The following TAFA1 variants were observed in gnomAD, a reference collection of about 807,000 sequenced individuals.
TAFA1 encodes the protein chemokine-like protein TAFA-1.
A neutral mutation model predicts 18.5 loss-of-function variants in TAFA1; 4 were observed. The observed-to-expected ratio is 0.22, with a 90% CI of 0.11 to 0.49. The LOEUF is 0.49. Ranked by LOEUF, TAFA1 falls within the 20% of genes least tolerant of loss-of-function variation. The probability of loss-of-function intolerance (pLI) is 0.98; values close to 1 mark genes in which losing one functional copy is unlikely to be tolerated. For synonymous variants in TAFA1, 56 were observed against 55.2 expected (o/e 1.01, Z -0.06); for missense variants, 147 against 169.0 (o/e 0.87, Z 0.72).
At chr3:68,236,363 C>T (rs879930421) in intron 2 of TAFA1, among the ~76,000 whole-genome samples, 1 of 152,210 alleles carries the variant, frequency 6.6e-6, no homozygotes, top group African/African-American at 2.4e-5. Flanking sequence ...CAAGCCAGTG[C>T]ATTCAAAATG....
At chr3:68,303,757 T>C (rs2068354327) in intron 2 of TAFA1, among the ~76,000 whole-genome samples, 1 of 152,130 alleles carries the variant, frequency 6.6e-6, no homozygotes, top group Non-Finnish European at 1.5e-5. Flanking sequence ...CCTGAAAACT[T>C]TTTAGAAGGA....
intron 2 of TAFA1, among the ~76,000 whole-genome samples, chr3:68,280,462 G>A (rs2067878608): frequency 2.1e-5 from 3 of 145,826 alleles, no homozygotes; most frequent in Admixed American, 2.0e-4. Context: ...TCTGGTAAGT[G>A]AATTAGGAAA....
intron 4 of TAFA1, among the ~76,000 whole-genome samples, chr3:68,542,641 C>G (rs946744619): frequency 1.3e-5 from 2 of 152,004 alleles, no homozygotes; most frequent in Non-Finnish European, 2.9e-5. Context: ...AATGCATGAC[C>G]TAGAGGTAGG....
chr3:68,204,999 C>T (rs2066509315), intron 2 of TAFA1, among the ~76,000 whole-genome samples: 1 of 151,570 alleles, frequency 6.6e-6, no homozygotes, highest in African/African-American at 2.4e-5. Context: ...AGTAGATTGG[C>T]CAATTGCAGA....
At chr3:68,015,390 G>A (rs796312825) in intron 2 of TAFA1, among the ~76,000 whole-genome samples, 1 of 151,476 alleles carries the variant, frequency 6.6e-6, no homozygotes, top group African/African-American at 2.4e-5. Flanking sequence ...AGGTTCAAGC[G>A]ATTCTCCTGC....
intron 3 of TAFA1, among the ~76,000 whole-genome samples, chr3:68,464,841 A>G (rs2071855545): frequency 6.6e-6 from 1 of 152,216 alleles, no homozygotes; most frequent in Non-Finnish European, 1.5e-5. Context: ...GTTTAGAATA[A>G]GCATGACACT....
chr3:68,106,758 G>A (rs569319204), intron 2 of TAFA1, among the ~76,000 whole-genome samples: 11 of 152,000 alleles, frequency 7.2e-5, no homozygotes, highest in African/African-American at 2.7e-4. Flanking sequence ...AAAACCAAAT[G>A]GGCAAATGAT....
chr3:68,523,300 A>G (rs2073056746), intron 3 of TAFA1, among the ~76,000 whole-genome samples: 1 of 152,220 alleles, frequency 6.6e-6, no homozygotes, highest in Non-Finnish European at 1.5e-5. Flanking sequence ...TTGTACTTTA[A>G]TGTAAAATCT....
At chr3:68,227,626 G>A (rs764876974) in intron 2 of TAFA1, among the ~76,000 whole-genome samples, 27 of 152,204 alleles carry the variant, frequency 1.8e-4, no homozygotes, top group Non-Finnish European at 3.8e-4. Context: ...GAGAAATTAA[G>A]TGAAAGACTG....
At chr3:68,085,102 A>G (rs185050449) in intron 2 of TAFA1, among the ~76,000 whole-genome samples, 2 of 152,312 alleles carry the variant, frequency 1.3e-5, no homozygotes, top group East Asian at 1.9e-4. Context: ...TGGACTCACA[A>G]TAGGATTTCT....
intron 2 of TAFA1, among the ~76,000 whole-genome samples, chr3:68,352,068 T>C (rs1313635469): frequency 6.6e-6 from 1 of 151,836 alleles, no homozygotes; most frequent in Non-Finnish European, 1.5e-5. Flanking sequence ...GAATACACAA[T>C]TGTGGGAGAT....
At chr3:68,436,778 C>T (rs2071274551) in intron 3 of TAFA1, among the ~76,000 whole-genome samples, 2 of 152,146 alleles carry the variant, frequency 1.3e-5, no homozygotes, top group Non-Finnish European at 2.9e-5. Flanking sequence ...TAGAGCTTCA[C>T]AAATGAACAG....
chr3:68,222,144 C>T (rs1979668), intron 2 of TAFA1, among the ~76,000 whole-genome samples: 7,758 of 151,976 alleles, frequency 0.051, 242 homozygotes, highest in African/African-American at 0.073. Flanking sequence ...ACAAGTTAAA[C>T]GTTAACACAT....
intron 3 of TAFA1, among the ~76,000 whole-genome samples, chr3:68,437,686 A>G (rs1485360285): frequency 6.6e-6 from 1 of 152,142 alleles, no homozygotes; most frequent in East Asian, 1.9e-4. Flanking sequence ...ATAAGGGCAG[A>G]GTCCTTATGA....
chr3:68,053,263 G>A (rs577338673), intron 2 of TAFA1, among the ~76,000 whole-genome samples: 22 of 152,168 alleles, frequency 1.4e-4, no homozygotes, highest in African/African-American at 5.1e-4. Flanking sequence ...TGGTGGGGGT[G>A]GGGACTTCTT....
chr3:68,431,832 C>T (rs913776470), intron 3 of TAFA1, among the ~76,000 whole-genome samples: 3 of 151,874 alleles, frequency 2.0e-5, no homozygotes, highest in African/African-American at 4.8e-5. Flanking sequence ...GGCAGACTCA[C>T]GTCTTAAGAG....
At chr3:68,422,705 A>G (rs1056231084) in intron 3 of TAFA1, among the ~76,000 whole-genome samples, 1 of 152,124 alleles carries the variant, frequency 6.6e-6, no homozygotes, top group Non-Finnish European at 1.5e-5. Flanking sequence ...ATTTTCTAAT[A>G]ATTGAAAACA....
At chr3:68,345,512 CAG>C (rs1197082237) in intron 2 of TAFA1, among the ~76,000 whole-genome samples, 1 of 152,106 alleles carries the variant, frequency 6.6e-6, no homozygotes, top group East Asian at 1.9e-4. Context: ...TAACAGCACT[CAG>C]GGTGTAAGAA....
intron 2 of TAFA1, among the ~76,000 whole-genome samples, chr3:68,121,434 T>C (rs1204923366): frequency 6.6e-6 from 1 of 152,192 alleles, no homozygotes; most frequent in Non-Finnish European, 1.5e-5. Context: ...TCTGTGTCAC[T>C]GGATCTTTCA....
Sources: gnomAD v4.1 joint callset for allele counts (sites outside exome capture counted in the v4.1 genomes callset) on GRCh38, gnomAD v4.1.1 for gene constraint, MANE v1.5 for transcripts, NCBI Gene and HGNC (gene_info 2026-07-23, HGNC 2026-07-21) for gene names.